The following CARMIL3 variants were observed in gnomAD, a reference collection of about 807,000 sequenced individuals.
CARMIL3 encodes capping protein regulator and myosin 1 linker 3.
A neutral mutation model predicts 180.8 loss-of-function variants in CARMIL3; 88 were observed. The ratio of observed to expected loss-of-function variants is 0.49; its 90% CI spans 0.41 to 0.58. The LOEUF is 0.58. Ranked by LOEUF, CARMIL3 falls within the 20% of genes least tolerant of loss-of-function variation. The pLI, the probability that CARMIL3 is intolerant of heterozygous loss-of-function variation, is 0.00. For missense variants in CARMIL3, 1,548 were observed against 1,787.0 expected (o/e 0.87, Z 2.41); for synonymous variants, 696 against 714.5 (o/e 0.97, Z 0.41).
chr14:24,064,272 G>C lies in CARMIL3; in HGVS notation c.3006G>C (p.Glu1002Asp). The change falls in exon 32 of 40, where the codon GAG becomes GAC. Residue 1002 changes from glutamate (E) to aspartate (D), a missense_variant. This residue lies in a region of CARMIL3 where 668 missense variants were observed against 687.8 expected (regional missense o/e 0.97). Coordinates refer to ENST00000342740, the MANE Select transcript of CARMIL3 (RefSeq NM_138360.4). ...TGCCAGCACCTGGGACTCGTCAGGAGAATGGGATGGCCACCCGCCTGGATG... is the reference window on the plus strand; with the variant it reads ...TGCCAGCACCTGGGACTCGTCAGGACAATGGGATGGCCACCCGCCTGGATG... ...PSMPAPGTRQ[E>D]NGMATRLDEG... 6.2e-7 allele frequency: 1 copy of C among 1,612,856 alleles called. No individual in the cohort carries two copies.
At chr14:24,069,031 C>A in intron 38 of CARMIL3, 65 bp downstream of exon 38, 1 of 1,570,118 alleles carries the variant, frequency 6.4e-7, no homozygotes. Context: ...CACATCAGGT[C>A]CTCTTCCAGA....
intron 39 of CARMIL3, 26 bp from the exon 40 acceptor site, chr14:24,069,351 CAG>C: frequency 6.2e-7 from 1 of 1,614,172 alleles, no homozygotes; most frequent in Non-Finnish European, 8.5e-7. Flanking sequence ...GCCCAGGAAA[CAG>C]GGCTCCCTGG....
In CARMIL3 at chr14:24,058,096, A is replaced by G; in HGVS notation, c.1322+32A>G. 1 of 1,613,598 alleles carries G rather than the reference A, an allele frequency of 6.2e-7. No homozygotes were observed. The highest frequency in any genetic ancestry group is 8.5e-7 in the Non-Finnish European group (1 of 1,179,926). On this transcript the variant is annotated intron_variant, in intron 16 of 39. Transcript: ENST00000342740. The surrounding 1 kb of genome is among the most constrained non-coding windows in gnomAD (Gnocchi z 6.4). ...TGGGTGCAGGGTTGGGGGCGCATCC[A>G]AGGGAACCACGGGGAGCGGGAAGAG...
rs2035840824 is a variant in CARMIL3, at chr14:24,069,506, A to T, written c.*102A>T. On this transcript the variant is annotated 3_prime_UTR_variant, in exon 40 of 40. Transcript: ENST00000342740. ...AGGGCCCCCTGCCAGCCCCTGTCCTACAGGGGCAAGACGGCAGGACCAGGC... is the reference window on the plus strand; with the variant it reads ...AGGGCCCCCTGCCAGCCCCTGTCCTTCAGGGGCAAGACGGCAGGACCAGGC... 2.0e-6 allele frequency: 3 copies of T among 1,500,048 alleles called. No individual in the cohort carries two copies. The Admixed American group carries it at 5.5e-5, about 27-fold the overall frequency. The allele number at this position is 1,500,048 out of a possible 1,614,324, so 92.9% of individuals were successfully genotyped here. A position where few individuals can be genotyped will look rare whatever the true frequency, so the allele number is the denominator to read the frequency against.
Position 24,060,722 on chromosome 14 carries a change from G to A in CARMIL3, c.2156G>A (p.Arg719Gln), listed in dbSNP as rs766208447. 1.2e-5 allele frequency: 19 copies of A among 1,613,792 alleles called. No individual in the cohort carries two copies. The highest frequency in any genetic ancestry group is 6.7e-5 in the Admixed American group (4 of 59,974). ...GTGCAGGATGAGCTACTCTACGCTC[G>A]GGACCTCATCAAAGATGCCAAGAAC... ...EPVQDELLYARDLIKDAKNSR... is the reference protein window; with the variant it reads ...EPVQDELLYAQDLIKDAKNSR... Residue 719 changes from arginine (R) to glutamine (Q), a missense_variant, in exon 25 of 40, where the codon CGG (arginine) becomes CAG (glutamine). Around this residue, in one of 4 missense-constraint regions of CARMIL3, gnomAD observed 297 missense variants for 415.9 expected, o/e 0.71. Coordinates refer to ENST00000342740, the MANE Select transcript of CARMIL3 (RefSeq NM_138360.4).
Position 24,061,217 on chromosome 14 carries a change from T to G in CARMIL3, c.2304+177T>G. The G allele has an allele frequency of 1.5e-6, 1 of 659,438 alleles. No individual in the cohort carries two copies. Among genetic ancestry groups the G allele is most frequent in the Non-Finnish European group, 2.6e-6 (1 of 389,730 alleles). The allele number at this position is 659,438 out of a possible 1,614,324, so 40.8% of individuals were successfully genotyped here. ...TGCTGCAATATCAGGCTTGGATTTT[T>G]TTCTGCTAGCTTTGATGTTGGTCCC... On this transcript the variant is annotated intron_variant, in intron 26 of 39. Transcript: ENST00000342740. The surrounding 1 kb of genome is among the most constrained non-coding windows in gnomAD (Gnocchi z 4.1).
In CARMIL3 at chr14:24,063,174, G is replaced by A. The variant is rs894828849; in HGVS notation, c.2761G>A (p.Ala921Thr). ...CTGCCGCAAGATTCGGCCGGTGTCT[G>A]CCTTCATCAGTGAGTCTCCCAGCCT... is the stretch of plus-strand genomic sequence containing the variant. ...KRCRKIRPVSAFISGSPQDME... is the reference protein window; with the variant it reads ...KRCRKIRPVSTFISGSPQDME... The change falls in exon 30 of 40, where the codon GCC (alanine) becomes ACC (threonine). Residue 921 changes from alanine (A) to threonine (T), a missense_variant. Ala to Thr is a moderately conservative substitution (Grantham distance 58). Transcript: ENST00000342740. 6.2e-7 allele frequency: 1 copy of A among 1,612,898 alleles called. No individual in the cohort carries two copies. Among genetic ancestry groups the A allele is most frequent in the African/African-American group, 1.3e-5 (1 of 75,054 alleles).
Position 24,066,583 on chromosome 14 carries a change from G to A in CARMIL3, c.3609G>A (p.Lys1203=), listed in dbSNP as rs768103451. 6.2e-7 allele frequency: 1 copy of A among 1,614,140 alleles called. No homozygotes were observed. Among genetic ancestry groups the A allele is most frequent in the South Asian group, 1.1e-5 (1 of 91,088 alleles). ...CTACTCCAGGGCCTGGATCCTGGAAGCCCCCACCACCGCCCCAAAGCACCA... is the reference window on the plus strand; with the variant it reads ...CTACTCCAGGGCCTGGATCCTGGAAACCCCCACCACCGCCCCAAAGCACCA... ...SSDDAGPGSW[K]PPPPPQSTKP... Residue 1203 remains lysine, a synonymous_variant, in exon 36 of 40, where the codon AAG becomes AAA. Transcript: ENST00000342740.
Position 24,061,355 on chromosome 14 carries a change from C to A in CARMIL3, c.2305-142C>A. 1 of 845,112 alleles carries A rather than the reference C, an allele frequency of 1.2e-6. No individual in the cohort carries two copies. The highest frequency in any genetic ancestry group is 1.8e-6 in the Non-Finnish European group (1 of 553,530). The allele number at this position is 845,112 out of a possible 1,614,324, so 52.4% of individuals were successfully genotyped here. A position where few individuals can be genotyped will look rare whatever the true frequency, so the allele number is the denominator to read the frequency against. ...AGTGGGGAAGCCTTAGTGTCCAAGG[C>A]TCTGCCACTAACAGTTTTGTGACTT... On this transcript the variant is annotated intron_variant, in intron 26 of 39. Transcript: ENST00000342740. The surrounding 1 kb of genome is among the most constrained non-coding windows in gnomAD (Gnocchi z 4.1).
chr14:24,064,438 A>C lies in CARMIL3; in HGVS notation c.3080+92A>C, dbSNP rs926314138. On this transcript the variant is annotated intron_variant, in intron 32 of 39. Coordinates refer to ENST00000342740, the MANE Select transcript of CARMIL3 (RefSeq NM_138360.4). Reference sequence around the variant, plus strand: ...CCCAGCTCCCATGGGAGTCTCCATAACAGCAGTGCCCAAAGCCAGTCTCTG... The same window carrying C: ...CCCAGCTCCCATGGGAGTCTCCATACCAGCAGTGCCCAAAGCCAGTCTCTG... The C allele has an allele frequency of 4.6e-5, 42 of 907,616 alleles. No individual in the cohort carries two copies. In the African/African-American group the frequency reaches 6.1e-4, roughly 13 times the overall value. The allele number at this position is 907,616 out of a possible 1,614,324, so 56.2% of individuals were successfully genotyped here. A position where few individuals can be genotyped will look rare whatever the true frequency, so the allele number is the denominator to read the frequency against.
chr14:24,065,739 G>A lies in CARMIL3; in HGVS notation c.3514G>A (p.Gly1172Arg), dbSNP rs756400791. The part of the protein sequence containing the change: ...LERAKGWSFD[G>R]KREGPGPDQE... ...AAGAGCCAAGGGTTGGAGCTTCGAT[G>A]GGAAACGAGAGGTGAGTGGAGCCTG... Residue 1172 changes from glycine (G) to arginine (R), a missense_variant, in exon 34 of 40, where the codon GGG (glycine) becomes AGG (arginine). Coordinates refer to ENST00000342740, the MANE Select transcript of CARMIL3 (RefSeq NM_138360.4). 6.2e-6 allele frequency: 10 copies of A among 1,614,038 alleles called. No individual in the cohort carries two copies. In the East Asian group the frequency reaches 1.6e-4, roughly 25 times the overall value.
At chr14:24,056,585 G>C (rs2035674138) in intron 11 of CARMIL3, 37 bp from the exon 12 acceptor site, 1 of 1,606,282 alleles carries the variant, frequency 6.2e-7, no homozygotes, top group Non-Finnish European at 8.5e-7. Flanking sequence ...CCACTGCCCT[G>C]CCCCTCACTG....
At position 24,054,993 on chromosome 14, in the gene CARMIL3, G is replaced by C; in HGVS notation, c.461-73G>C. ...GAGCACTGGCACATAAAGTGACCTT[G>C]ACTGTTCTTGAACCCCAAGCCTATT... On this transcript the variant is annotated intron_variant, in intron 6 of 39. Coordinates refer to ENST00000342740, the MANE Select transcript of CARMIL3 (RefSeq NM_138360.4). The surrounding 1 kb of genome is among the most constrained non-coding windows in gnomAD (Gnocchi z 5.1). 6 of 1,531,566 alleles carry C rather than the reference G, an allele frequency of 3.9e-6. No homozygotes were observed. The highest frequency in any genetic ancestry group is 5.4e-6 in the Non-Finnish European group (6 of 1,109,142). 94.9% of individuals were successfully genotyped at this position (1,531,566 alleles called of 1,614,324 possible).
intron 1 of CARMIL3, 145 bp from the exon 2 acceptor site, chr14:24,053,564 C>T (rs1208051141): frequency 1.2e-5 from 7 of 572,492 alleles, no homozygotes; most frequent in African/African-American, 9.5e-5. Context: ...AGAAGGAATG[C>T]CCTCTGTCCC....
intron 32 of CARMIL3, 59 bp downstream of exon 32, chr14:24,064,405 T>C: frequency 7.7e-7 from 1 of 1,291,092 alleles, no homozygotes; most frequent in African/African-American, 1.5e-5. Context: ...GAAGGGCTGC[T>C]GTGTCCTCCC....
rs2035787281 is a variant in CARMIL3 at position 24,066,422 on chromosome 14, A to G, written c.3550A>G (p.Ser1184Gly). Reference protein sequence around the residue: ...REGPGPDQEGSTQAWQKRRSS... With the variant: ...REGPGPDQEGGTQAWQKRRSS... Reference sequence around the variant, plus strand: ...GGGCCCAGGCCCAGACCAGGAGGGCAGCACCCAGGCCTGGCAGAAACGGCG... The same window carrying G: ...GGGCCCAGGCCCAGACCAGGAGGGCGGCACCCAGGCCTGGCAGAAACGGCG... The change falls in exon 35 of 40, where the codon AGC becomes GGC. Residue 1184 changes from serine to glycine, a missense_variant. Coordinates refer to ENST00000342740, the MANE Select transcript of CARMIL3 (RefSeq NM_138360.4). 2.5e-6 allele frequency: 4 copies of G among 1,614,240 alleles called. No homozygotes were observed. In the East Asian group the frequency reaches 6.7e-5, roughly 27 times the overall value.
In CARMIL3 at chr14:24,056,222, G is replaced by A. The variant is rs117659422; in HGVS notation, c.771-77G>A. The A allele has an allele frequency of 3.3e-6, 4 of 1,210,406 alleles. No individual in the cohort carries two copies. In the South Asian group the frequency reaches 4.2e-5, roughly 13 times the overall value. The allele number at this position is 1,210,406 out of a possible 1,614,324, so 75.0% of individuals were successfully genotyped here. On this transcript the variant is annotated intron_variant, in intron 10 of 39. Coordinates refer to ENST00000342740, the MANE Select transcript of CARMIL3 (RefSeq NM_138360.4). ...CATGCAGCCCCAGCCAGGCAGTCAGGTAGAGGAGGAGGGGAAGCCCAGAGG... is the reference window on the plus strand; with the variant it reads ...CATGCAGCCCCAGCCAGGCAGTCAGATAGAGGAGGAGGGGAAGCCCAGAGG...
chr14:24,055,195 A>C (rs1462967884), intron 7 of CARMIL3, 42 bp from the exon 8 acceptor site: 4 of 1,613,892 alleles, frequency 2.5e-6, no homozygotes, highest in Non-Finnish European at 3.4e-6. Flanking sequence ...GGGGCTAAGA[A>C]GGAAGTGGGG....
chr14:24,065,364 G>C, intron 33 of CARMIL3, 91 bp downstream of exon 33: 1 of 1,263,398 alleles, frequency 7.9e-7, no homozygotes, highest in Non-Finnish European at 1.1e-6. Context: ...ATGGGAGAAT[G>C]CTAGGACCCA....
Sources: allele counts gnomAD v4.1 joint callset, GRCh38; gene constraint gnomAD v4.1.1; regional missense constraint gnomAD v4.1.1; non-coding constraint Gnocchi (gnomAD v3.1); transcripts MANE v1.5; gene names NCBI Gene and HGNC (gene_info 2026-07-23, HGNC 2026-07-21).